Variants in MARCHF1 observed in about 807,000 individuals in gnomAD.
The protein encoded by MARCHF1 is membrane associated ring-CH-type finger 1, also known as E3 ubiquitin-protein ligase MARCHF1.
A neutral mutation model predicts 54.2 loss-of-function variants in MARCHF1; 40 were observed. That is an observed-to-expected ratio of 0.74 (90% CI 0.57 to 0.96). MARCHF1 has a LOEUF of 0.96. Among genes scored for constraint, MARCHF1 ranks in the 40% least tolerant of loss-of-function variants. MARCHF1 has a pLI of 0.00. For missense variants in MARCHF1, 586 were observed against 656.5 expected (o/e 0.89, Z 1.17); for synonymous variants, 236 against 236.3 (o/e 1.00, Z 0.01).
chr4:163,644,259 T>G (rs1204660062), intron 5 of MARCHF1, among the ~76,000 whole-genome samples: 1 of 152,096 alleles, frequency 6.6e-6, no homozygotes, highest in Non-Finnish European at 1.5e-5. Flanking sequence ...CATTGCAAAA[T>G]GTACTGTTGT....
rs917782535 is a variant in MARCHF1, at chr4:164,118,873, G to A, written c.-322-7211C>T. ...CACAATAAAGATATAAGAGTTATAAGTATCCAAATAATATAACACCACAAC... is the reference window on the plus strand; with the variant it reads ...CACAATAAAGATATAAGAGTTATAAATATCCAAATAATATAACACCACAAC... On this transcript the variant is annotated intron_variant, in intron 1 of 9. Transcript: ENST00000514618. Among the ~76,000 whole-genome samples the A allele has an allele frequency of 2.7e-5, 4 of 150,004 alleles. No individual in the cohort carries two copies. The East Asian group carries it at 7.8e-4, about 29-fold the overall frequency.
intron 1 of MARCHF1, among the ~76,000 whole-genome samples, chr4:164,144,084 A>T (rs1159173804): frequency 6.6e-6 from 1 of 152,098 alleles, no homozygotes; most frequent in Non-Finnish European, 1.5e-5. Context: ...AGGCCATTAC[A>T]TAATGGTAAA....
intron 4 of MARCHF1, among the ~76,000 whole-genome samples, chr4:163,723,248 G>C (rs1745537515): frequency 6.6e-6 from 1 of 152,154 alleles, no homozygotes. Flanking sequence ...GCATTTGCTT[G>C]TCTGTAAAGG....
At chr4:164,287,411 C>A (rs1408628071) in intron 1 of MARCHF1, among the ~76,000 whole-genome samples, 1 of 152,132 alleles carries the variant, frequency 6.6e-6, no homozygotes, top group East Asian at 1.9e-4. Context: ...AAAACAGTTG[C>A]CGTGTCGTAA....
intron 2 of MARCHF1, among the ~76,000 whole-genome samples, chr4:164,010,066 T>TC (rs1198407021): frequency 1.4e-5 from 2 of 142,180 alleles, no homozygotes; most frequent in African/African-American, 5.1e-5. Flanking sequence ...AAAACTCTTT[T>TC]TTTTTTTTTT....
At chr4:164,298,493 A>G (rs2111387329) in intron 1 of MARCHF1, among the ~76,000 whole-genome samples, 1 of 152,212 alleles carries the variant, frequency 6.6e-6, no homozygotes, top group Admixed American at 6.5e-5. Flanking sequence ...CAGAACGTGG[A>G]CAATTCCCTT....
At chr4:163,679,523 A>G (rs983094268) in intron 5 of MARCHF1, among the ~76,000 whole-genome samples, 1 of 152,116 alleles carries the variant, frequency 6.6e-6, no homozygotes, top group Non-Finnish European at 1.5e-5. Flanking sequence ...TGACCTTTTA[A>G]AGCAGGGGTC....
At chr4:164,004,856 G>A (rs1454564154) in intron 2 of MARCHF1, among the ~76,000 whole-genome samples, 4 of 151,882 alleles carry the variant, frequency 2.6e-5, no homozygotes, top group African/African-American at 9.7e-5. Flanking sequence ...TGCTCCAGAA[G>A]AAATTATGGC....
chr4:164,356,619 G>C (rs927313603), intron 1 of MARCHF1, among the ~76,000 whole-genome samples: 25 of 141,860 alleles, frequency 1.8e-4, no homozygotes, highest in African/African-American at 5.3e-4. Context: ...GTGGTGGGGT[G>C]GGGGGAGTGG....
chr4:163,912,752 T>A (rs1179783599), intron 3 of MARCHF1, among the ~76,000 whole-genome samples: 1 of 152,188 alleles, frequency 6.6e-6, no homozygotes, highest in Non-Finnish European at 1.5e-5. Context: ...AGAGTGGCAT[T>A]TTCAAGATTG....
In MARCHF1 at chr4:164,227,665, C is replaced by T. The variant is rs577923490; in HGVS notation, c.-322-116003G>A. 3.9e-5 allele frequency among the ~76,000 whole-genome samples: 6 copies of T among 152,164 alleles called. No homozygotes were observed. The South Asian group carries it at 8.3e-4, about 21-fold the overall frequency. On this transcript the variant is annotated intron_variant, in intron 1 of 9. Transcript: ENST00000514618. ...GAGAGGAGGACAAGAGGAGCACTCT[C>T]GCAATCTCACATATTTCGCGCCATG...
chr4:163,937,708 G>A (rs188821994), intron 3 of MARCHF1, among the ~76,000 whole-genome samples: 8 of 152,198 alleles, frequency 5.3e-5, no homozygotes, highest in East Asian at 1.9e-4. Context: ...TAACTTGCCC[G>A]TTGGTTCAAT....
chr4:164,106,914 A>T (rs543766750), intron 2 of MARCHF1, among the ~76,000 whole-genome samples: 1 of 152,276 alleles, frequency 6.6e-6, no homozygotes, highest in South Asian at 2.1e-4. Context: ...AATTTTGTCC[A>T]AGGTATCTAT....
chr4:163,670,384 G>GTCTATCTA lies in MARCHF1; in HGVS notation c.162+30428_162+30429insTAGATAGA, dbSNP rs1458064267. Among the ~76,000 whole-genome samples the GTCTATCTA allele has an allele frequency of 7.5e-5, 8 of 107,250 alleles. No individual in the cohort carries two copies. In the East Asian group the frequency reaches 1.7e-3, roughly 23 times the overall value. The allele number at this position is 107,250 out of a possible 152,430, so 70.4% of individuals were successfully genotyped here. ...GATCTATCTATCTATCTATCTATCT[G>GTCTATCTA]TCTGTCTATCTATCTATCTATCTAT... On this transcript the variant is annotated intron_variant, in intron 5 of 9. Transcript: ENST00000514618.
chr4:163,959,682 T>C (rs1385436092), intron 3 of MARCHF1, among the ~76,000 whole-genome samples: 1 of 151,998 alleles, frequency 6.6e-6, no homozygotes, highest in African/African-American at 2.4e-5. Flanking sequence ...GATTATGGAC[T>C]TAAATGTAAA....
chr4:163,821,372 C>CCATGA (rs1392220030), intron 4 of MARCHF1, among the ~76,000 whole-genome samples: 1 of 151,908 alleles, frequency 6.6e-6, no homozygotes, highest in Non-Finnish European at 1.5e-5. Flanking sequence ...TCCAATTAGA[C>CCATGA]CATGACATCA....
chr4:163,879,349 AC>A (rs1343313331), intron 3 of MARCHF1, among the ~76,000 whole-genome samples: 1 of 152,196 alleles, frequency 6.6e-6, no homozygotes, highest in African/African-American at 2.4e-5. Context: ...ATTATATATA[AC>A]ATTTGTATAA....
chr4:164,212,885 T>C (rs549215057), intron 1 of MARCHF1, among the ~76,000 whole-genome samples: 1 of 152,230 alleles, frequency 6.6e-6, no homozygotes, highest in South Asian at 2.1e-4. Context: ...AACCAATATG[T>C]TATGAGTCAG....
intron 8 of MARCHF1, among the ~76,000 whole-genome samples, chr4:163,547,638 G>T (rs139216455): frequency 6.6e-6 from 1 of 152,284 alleles, no homozygotes; most frequent in East Asian, 1.9e-4. Flanking sequence ...TCTGCCACTT[G>T]CTGTCAAATG....
Sources: gnomAD v4.1 joint callset for allele counts (sites outside exome capture counted in the v4.1 genomes callset) on GRCh38, gnomAD v4.1.1 for gene constraint, MANE v1.5 for transcripts, NCBI Gene and HGNC (gene_info 2026-07-23, HGNC 2026-07-21) for gene names.